RPS6KA5: variants seen among roughly 807,000 people sequenced by gnomAD.
The protein encoded by RPS6KA5 is ribosomal protein S6 kinase alpha-5.
RPS6KA5 carries 27 observed loss-of-function variants against 85.5 expected under a neutral mutation model. The observed-to-expected ratio is 0.32, with a 90% CI of 0.23 to 0.44. RPS6KA5 has a LOEUF of 0.44. Among genes scored for constraint, RPS6KA5 ranks in the 20% least tolerant of loss-of-function variants. RPS6KA5 has a pLI of 1.00. For missense variants in RPS6KA5, 811 were observed against 980.9 expected (o/e 0.83, Z 2.31); for synonymous variants, 334 against 348.2 (o/e 0.96, Z 0.46).
At chr14:91,013,828 G>A (rs1415357463) in intron 1 of RPS6KA5, among the ~76,000 whole-genome samples, 1 of 152,216 alleles carries the variant, frequency 6.6e-6, no homozygotes, top group Non-Finnish European at 1.5e-5. Context: ...TGAAACAACA[G>A]TCAAGGCCAA....
chr14:90,894,324 G>A, intron 13 of RPS6KA5, 89 bp downstream of exon 13: 1 of 1,395,410 alleles, frequency 7.2e-7, no homozygotes, highest in Non-Finnish European at 9.4e-7. Context: ...AAAAAATAAG[G>A]AAACCTCCCC....
intron 7 of RPS6KA5, among the ~76,000 whole-genome samples, chr14:90,915,955 T>C (rs999617231): frequency 3.9e-5 from 6 of 152,062 alleles, no homozygotes; most frequent in East Asian, 1.9e-4. Context: ...TCAATAATAC[T>C]GATAATTTAA....
At chr14:91,009,818 G>A (rs1182060017) in intron 1 of RPS6KA5, among the ~76,000 whole-genome samples, 5 of 152,098 alleles carry the variant, frequency 3.3e-5, no homozygotes, top group Admixed American at 6.6e-5. Flanking sequence ...GCTTTAAGAC[G>A]AACGCCCTTC....
intron 3 of RPS6KA5, among the ~76,000 whole-genome samples, chr14:90,962,920 T>G (rs1483333572): frequency 4.6e-5 from 7 of 152,232 alleles, no homozygotes; most frequent in African/African-American, 1.4e-4. Flanking sequence ...ACTAGGACAT[T>G]CCTGCATATA....
At chr14:90,949,772 C>T (rs2038076659) in intron 3 of RPS6KA5, among the ~76,000 whole-genome samples, 1 of 152,126 alleles carries the variant, frequency 6.6e-6, no homozygotes, top group Non-Finnish European at 1.5e-5. Context: ...ATAATAACTA[C>T]TTATGAATTA....
In RPS6KA5 at chr14:90,852,499, T is replaced by A. The variant is rs1395012343; in HGVS notation, c.*19575A>T. The A allele has an allele frequency of 1.3e-5, 2 of 152,050 alleles. No homozygotes were observed. Among genetic ancestry groups the A allele is most frequent in the South Asian group, 2.1e-4 (1 of 4,826 alleles). The allele number at this position is 152,050 out of a possible 1,614,324, so 9.4% of individuals were successfully genotyped here. A position where few individuals can be genotyped will look rare whatever the true frequency, so the allele number is the denominator to read the frequency against. ...TCATGTGAAACCCAATAAAACAAGA[T>A]TTGATTTGAAAACATTTTCAATGAA... is the stretch of plus-strand genomic sequence containing the variant. On this transcript the variant is annotated 3_prime_UTR_variant, in exon 17 of 17. Transcript: ENST00000614987.
At chr14:90,983,640 G>A (rs1380213116) in intron 2 of RPS6KA5, among the ~76,000 whole-genome samples, 4 of 150,286 alleles carry the variant, frequency 2.7e-5, no homozygotes, top group African/African-American at 9.8e-5. Context: ...GAAAGAAAAG[G>A]AGAAAGAAAA....
Position 90,920,217 on chromosome 14 carries a change from A to G in RPS6KA5, c.795T>C (p.Ala265=), listed in dbSNP as rs1305353131. 1 of 1,599,464 alleles carries G rather than the reference A, an allele frequency of 6.3e-7. No homozygotes were observed. Among genetic ancestry groups the G allele is most frequent in the Non-Finnish European group, 8.6e-7 (1 of 1,167,144 alleles). ...TTGTCAAATCTTACCTAGATATCTC[A>G]GCTTGGGAATTTTTTTCTCCATCAA... The part of the protein sequence containing the change: ...FTVDGEKNSQ[A]EISRRILKSE... The change falls in exon 7 of 17, where the codon GCT becomes GCC. Residue 265 remains alanine (A), a synonymous_variant. Transcript: ENST00000614987.
intron 1 of RPS6KA5, among the ~76,000 whole-genome samples, chr14:91,006,729 A>C (rs1298948630): frequency 6.6e-6 from 1 of 152,062 alleles, no homozygotes; most frequent in African/African-American, 2.4e-5. Flanking sequence ...TCTCCATTCT[A>C]ACCTTTTTTT....
chr14:90,900,099 T>C lies in RPS6KA5; in HGVS notation c.1379+9A>G, dbSNP rs1456022002. On this transcript the variant is annotated intron_variant, in intron 11 of 16. Coordinates refer to ENST00000614987, the MANE Select transcript of RPS6KA5 (RefSeq NM_004755.4). The stretch of plus-strand genomic sequence containing the variant: ...CTAAGAAAGAATATTATATTAAAAA[T>C]GGTCATACCTTTTGCTGATTATTTT... 7.6e-6 allele frequency: 12 copies of C among 1,576,624 alleles called. No individual in the cohort carries two copies. The African/African-American group carries it at 1.2e-4, about 16-fold the overall frequency.
intron 4 of RPS6KA5, among the ~76,000 whole-genome samples, chr14:90,944,296 T>TA (rs919842035): frequency 1.3e-5 from 2 of 152,114 alleles, no homozygotes; most frequent in African/African-American, 4.8e-5. Context: ...AATAATCTCT[T>TA]AAAATGGAAA....
chr14:91,053,276 G>T (rs2043169756), intron 1 of RPS6KA5, among the ~76,000 whole-genome samples: 1 of 152,150 alleles, frequency 6.6e-6, no homozygotes. Flanking sequence ...GAAGACTAAA[G>T]CTTTCACCCT....
chr14:90,925,431 T>C (rs1257177941), intron 5 of RPS6KA5, among the ~76,000 whole-genome samples: 1 of 152,212 alleles, frequency 6.6e-6, no homozygotes. Context: ...AAGTTCCTCC[T>C]ATGAGCTTAA....
At chr14:91,015,998 A>C (rs2041476708) in intron 1 of RPS6KA5, among the ~76,000 whole-genome samples, 1 of 152,190 alleles carries the variant, frequency 6.6e-6, no homozygotes, top group African/African-American at 2.4e-5. Flanking sequence ...ATGTAGAAGA[A>C]AAAAGTCCAG....
chr14:90,915,000 C>A (rs560115716), intron 7 of RPS6KA5, among the ~76,000 whole-genome samples: 3 of 152,226 alleles, frequency 2.0e-5, no homozygotes, highest in Admixed American at 6.5e-5. Context: ...AAAGAATAAA[C>A]CCCCAGCAAA....
chr14:90,961,166 T>G (rs1350461708), intron 3 of RPS6KA5, among the ~76,000 whole-genome samples: 1 of 152,244 alleles, frequency 6.6e-6, no homozygotes, highest in Non-Finnish European at 1.5e-5. Context: ...ACTTCTTTCA[T>G]GCCTGTTCTA....
intron 13 of RPS6KA5, among the ~76,000 whole-genome samples, chr14:90,892,750 T>C (rs551365519): frequency 5.6e-4 from 85 of 152,194 alleles, no homozygotes; most frequent in Non-Finnish European, 1.2e-3. Context: ...CATGGGAAAA[T>C]ATTAAACTTT....
intron 7 of RPS6KA5, among the ~76,000 whole-genome samples, chr14:90,906,501 T>C (rs1372791754): frequency 2.0e-5 from 3 of 152,124 alleles, no homozygotes; most frequent in African/African-American, 7.2e-5. Context: ...AAAAGAGCAG[T>C]AACAAAAAAT....
intron 3 of RPS6KA5, among the ~76,000 whole-genome samples, chr14:90,960,537 G>A (rs1472869888): frequency 6.6e-6 from 1 of 152,066 alleles, no homozygotes; most frequent in Admixed American, 6.5e-5. Flanking sequence ...AAAACCTCCA[G>A]AGCTTTTAGA....
Sources: gnomAD v4.1 joint callset for allele counts (sites outside exome capture counted in the v4.1 genomes callset) on GRCh38, gnomAD v4.1.1 for gene constraint, MANE v1.5 for transcripts, NCBI Gene and HGNC (gene_info 2026-07-23, HGNC 2026-07-21) for gene names.